Variants in PROK2 observed in about 807,000 individuals in gnomAD.
PROK2 encodes the protein prokineticin-2.
PROK2 carries 8 observed loss-of-function variants against 14.2 expected under a neutral mutation model. That is an observed-to-expected ratio of 0.56 (90% CI 0.33 to 1.02). The LOEUF (loss-of-function observed/expected upper bound fraction) is 1.02, where lower values mean the gene tolerates loss of function less well. Among genes scored for constraint, PROK2 ranks in the 50% least tolerant of loss-of-function variants. The probability of loss-of-function intolerance (pLI) is 0.03; values close to 1 mark genes in which losing one functional copy is unlikely to be tolerated. For missense variants in PROK2, 154 were observed against 160.4 expected (o/e 0.96, Z 0.22); for synonymous variants, 59 against 60.7 (o/e 0.97, Z 0.13).
In PROK2 at chr3:71,772,822, A is replaced by G. The variant is rs775682705; in HGVS notation, c.292T>C (p.Phe98Leu). Residue 98 changes from phenylalanine to leucine, a missense_variant, in exon 4 of 4, where the codon TTT becomes CTT. Phe to Leu is a conservative substitution (Grantham distance 22, BLOSUM62 0). Transcript: ENST00000295619. ...KRSKRKKEVP[F>L]FGRRMHHTCP... ...GTGTGATGCATCCTCCGCCCAAAAA[A>G]TGGAACCTAAATAAAAAAGAAAACG... The G allele has an allele frequency of 6.2e-7, 1 of 1,614,086 alleles. No individual in the cohort carries two copies. Among genetic ancestry groups the G allele is most frequent in the South Asian group, 1.1e-5 (1 of 91,088 alleles).
chr3:71,783,297 T>C (rs955075124), intron 1 of PROK2, among the ~76,000 whole-genome samples: 2 of 152,224 alleles, frequency 1.3e-5, no homozygotes, highest in African/African-American at 4.8e-5. Flanking sequence ...TGAATCCAGA[T>C]GGTTCCTGTC....
At chr3:71,772,979 T>C (rs2050092131) in intron 3 of PROK2, 151 bp from the exon 4 acceptor site, 1 of 708,102 alleles carries the variant, frequency 1.4e-6, no homozygotes, top group African/African-American at 1.8e-5. Flanking sequence ...TTTTTATTTA[T>C]TTATTATTTA....
rs376252819 is a variant in PROK2 at position 71,778,208 on chromosome 3, TAAATA to T, written c.222+3254_222+3258del. 1.8e-3 allele frequency among the ~76,000 whole-genome samples: 279 copies of T among 151,368 alleles called. 5 individuals carry two copies. In the East Asian group the frequency reaches 0.04, roughly 22 times the overall value. ...CGAGACTCTGTCTCAAAAAAATAAA[TAAATA>T]AAATAAAATAAAATAAAATAAAAAA... On this transcript the variant is annotated intron_variant, in intron 2 of 3. Coordinates refer to ENST00000295619, the MANE Select transcript of PROK2 (RefSeq NM_001126128.2).
At chr3:71,774,341 G>A (rs2050102248) in intron 3 of PROK2, 104 bp downstream of exon 3, 1 of 1,534,066 alleles carries the variant, frequency 6.5e-7, no homozygotes, top group Admixed American at 2.1e-5. Flanking sequence ...CTTATGTTGG[G>A]GCTGAACTGA....
rs771571893 is a variant in PROK2, at chr3:71,774,527, G to A, written c.223-20C>T. On this transcript the variant is annotated intron_variant, in intron 2 of 3. Coordinates refer to ENST00000295619, the MANE Select transcript of PROK2 (RefSeq NM_001126128.2). ...ATTGTTCTGGAAGGGCCAGGGAGAC[G>A]ATTGAGATCAATAAATACAAAGGGA... The A allele has an allele frequency of 3.9e-5, 61 of 1,548,130 alleles. No individual in the cohort carries two copies. Among genetic ancestry groups the A allele is most frequent in the Non-Finnish European group, 4.8e-5 (55 of 1,145,530 alleles).
At chr3:71,784,763 A>G (rs921474581) in intron 1 of PROK2, among the ~76,000 whole-genome samples, 194 bp downstream of exon 1, 1 of 152,230 alleles carries the variant, frequency 6.6e-6, no homozygotes, top group African/African-American at 2.4e-5. Context: ...GGACGCGCCC[A>G]GTGTCCCCAG....
chr3:71,783,183 T>A (rs905944121), intron 1 of PROK2, among the ~76,000 whole-genome samples: 7 of 152,214 alleles, frequency 4.6e-5, no homozygotes, highest in Non-Finnish European at 1.0e-4. Context: ...AGCTTTTTTT[T>A]ATGAACCAAT....
chr3:71,781,060 A>G (rs2050156344), intron 2 of PROK2, among the ~76,000 whole-genome samples: 1 of 152,222 alleles, frequency 6.6e-6, no homozygotes, highest in South Asian at 2.1e-4. Flanking sequence ...ATCCCAAAAC[A>G]CAGAGCTTCC....
intron 2 of PROK2, among the ~76,000 whole-genome samples, chr3:71,776,854 C>T (rs1328541335): frequency 6.6e-6 from 1 of 152,230 alleles, no homozygotes; most frequent in African/African-American, 2.4e-5. Flanking sequence ...GTCCAAACTT[C>T]ATGGTTTACT....
intron 1 of PROK2, among the ~76,000 whole-genome samples, chr3:71,783,965 T>G (rs534215892): frequency 6.8e-4 from 103 of 152,238 alleles, no homozygotes; most frequent in Non-Finnish European, 1.1e-3. Context: ...ATACTTCCTT[T>G]AAAGTCAAAT....
chr3:71,779,884 A>G (rs1156413416), intron 2 of PROK2, among the ~76,000 whole-genome samples: 2 of 152,226 alleles, frequency 1.3e-5, no homozygotes, highest in African/African-American at 2.4e-5. Flanking sequence ...TGCTGGGATT[A>G]CAGTGTGAGC....
intron 3 of PROK2, 101 bp downstream of exon 3, chr3:71,774,344 T>G: frequency 1.3e-6 from 2 of 1,536,744 alleles, no homozygotes; most frequent in South Asian, 1.2e-5. Context: ...ATGTTGGGGC[T>G]GAACTGATAG....
At chr3:71,778,833 C>A (rs1332332514) in intron 2 of PROK2, among the ~76,000 whole-genome samples, 1 of 152,060 alleles carries the variant, frequency 6.6e-6, no homozygotes, top group Non-Finnish European at 1.5e-5. Context: ...TCAAAATAAC[C>A]TTTGAAAATG....
chr3:71,774,599 C>A (rs759812446), intron 2 of PROK2, 92 bp from the exon 3 acceptor site: 235 of 1,461,928 alleles, frequency 1.6e-4, no homozygotes, highest in Non-Finnish European at 2.1e-4. Flanking sequence ...AGTGAACTGG[C>A]GGAGCAAGAT....
At chr3:71,781,639 T>A in intron 1 of PROK2, 47 bp from the exon 2 acceptor site, 1 of 1,585,284 alleles carries the variant, frequency 6.3e-7, no homozygotes. Flanking sequence ...CAGGAAAGAC[T>A]CAGGCTAAGG....
At position 71,772,357 on chromosome 3, in the gene PROK2, G is replaced by T. The variant is rs2050085704; in HGVS notation, c.*367C>A. 1 of 233,516 alleles carries T rather than the reference G, an allele frequency of 4.3e-6. No homozygotes were observed. The highest frequency in any genetic ancestry group is 5.1e-5 in the South Asian group (1 of 19,510). The allele number at this position is 233,516 out of a possible 1,614,324, so 14.5% of individuals were successfully genotyped here. On this transcript the variant is annotated 3_prime_UTR_variant, in exon 4 of 4. Transcript: ENST00000295619. The stretch of plus-strand genomic sequence containing the variant: ...ATTTGTGTGGCAGGGCACAAATGGG[G>T]CTTGGGGTGGTGAGAAAAAAAAAAA...
At chr3:71,781,398 A>G in intron 2 of PROK2, 69 bp downstream of exon 2, 2 of 1,568,944 alleles carry the variant, frequency 1.3e-6, no homozygotes, top group Non-Finnish European at 1.8e-6. Context: ...CCAGTCCTTC[A>G]TGTCATACAG....
rs1042627495 is a variant in PROK2, at chr3:71,772,442, G to A, written c.*282C>T. The A allele has an allele frequency of 4.5e-5, 16 of 355,014 alleles. 1 individual carries two copies. The highest frequency in any genetic ancestry group is 1.4e-4 in the South Asian group (3 of 21,272). 22.0% of individuals were successfully genotyped at this position (355,014 alleles called of 1,614,324 possible). A position where few individuals can be genotyped will look rare whatever the true frequency, so the allele number is the denominator to read the frequency against. On this transcript the variant is annotated 3_prime_UTR_variant, in exon 4 of 4. Coordinates refer to ENST00000295619, the MANE Select transcript of PROK2 (RefSeq NM_001126128.2). The stretch of plus-strand genomic sequence containing the variant: ...TCCTCATTTTTGTGAAAATGGGTAC[G>A]TTTTTGACATTTAAGAAAAAAGCCA...
intron 2 of PROK2, among the ~76,000 whole-genome samples, chr3:71,778,168 G>C (rs1447319523): frequency 6.6e-6 from 1 of 151,896 alleles, no homozygotes; most frequent in Non-Finnish European, 1.5e-5. Flanking sequence ...CTGCACTCCA[G>C]CCTGGGTGAC....
Sources: allele counts gnomAD v4.1 joint callset (sites outside exome capture counted in the v4.1 genomes callset), GRCh38; gene constraint gnomAD v4.1.1; transcripts MANE v1.5; gene names NCBI Gene and HGNC (gene_info 2026-07-23, HGNC 2026-07-21).